IBTK: variants seen among roughly 807,000 people sequenced by gnomAD.
The protein encoded by IBTK is BTK-binding protein.
IBTK carries 83 observed loss-of-function variants against 154.9 expected under a neutral mutation model. The ratio of observed to expected loss-of-function variants is 0.54; its 90% CI spans 0.45 to 0.64. IBTK has a LOEUF of 0.64. IBTK is among the 30% of genes least tolerant of loss of function. The probability of loss-of-function intolerance (pLI) is 0.00; values close to 1 mark genes in which losing one functional copy is unlikely to be tolerated. For missense variants in IBTK, 1,332 were observed against 1,584.6 expected, an observed-to-expected ratio of 0.84 and a Z score of 2.71; for synonymous variants, 515 against 536.1, an observed-to-expected ratio of 0.96 and a Z score of 0.54.
Position 82,240,769 on chromosome 6 carries a change from C to A in IBTK, c.-283G>T. ...ATAAATTATTCCTGGAGTCAAGCAC[C>A]AAGGGGGAGTGAGGAGGGGAACTCC... is the stretch of plus-strand genomic sequence containing the variant. On this transcript the variant is annotated 5_prime_UTR_variant, in exon 2 of 29. Transcript: ENST00000306270. The A allele has an allele frequency of 2.2e-6, 1 of 459,126 alleles. No homozygotes were observed. The allele number at this position is 459,126 out of a possible 1,614,324, so 28.4% of individuals were successfully genotyped here.
intron 12 of IBTK, among the ~76,000 whole-genome samples, chr6:82,213,080 T>G (rs985328820): frequency 4.0e-5 from 6 of 151,818 alleles, no homozygotes; most frequent in African/African-American, 1.5e-4. Flanking sequence ...CAGGCTAGAG[T>G]GTGGTGGCAT....
chr6:82,230,392 A>C (rs950108860), intron 4 of IBTK, among the ~76,000 whole-genome samples: 1 of 152,214 alleles, frequency 6.6e-6, no homozygotes, highest in Admixed American at 6.5e-5. Context: ...GACTTTATCC[A>C]AAGGTGACTT....
In IBTK at chr6:82,197,288, T is replaced by C. The variant is rs571173883; in HGVS notation, c.3026-842A>G. ...TTGTTCTCTTTAAAGTAAATCACCT[T>C]AACAAGCTAAATGTTTCTTTTATTG... On this transcript the variant is annotated intron_variant, in intron 21 of 28. Coordinates refer to ENST00000306270, the MANE Select transcript of IBTK (RefSeq NM_015525.4). Among the ~76,000 whole-genome samples the C allele has an allele frequency of 1.8e-3, 269 of 152,232 alleles. 1 individual carries two copies. Among genetic ancestry groups the C allele is most frequent in the African/African-American group, 6.3e-3 (263 of 41,550 alleles).
At chr6:82,195,475 G>A (rs988557044) in intron 22 of IBTK, among the ~76,000 whole-genome samples, 11 of 151,854 alleles carry the variant, frequency 7.2e-5, no homozygotes, top group Admixed American at 6.6e-5. Flanking sequence ...TTACTCTGCC[G>A]GCTTAGGTGG....
At position 82,214,847 on chromosome 6, in the gene IBTK, A is replaced by C. The variant is rs1769810680; in HGVS notation, c.1602-18T>G. 6.6e-7 allele frequency: 1 copy of C among 1,526,588 alleles called. No homozygotes were observed. The highest frequency in any genetic ancestry group is 8.8e-7 in the Non-Finnish European group (1 of 1,137,434). 94.6% of individuals were successfully genotyped at this position (1,526,588 alleles called of 1,614,324 possible). A position where few individuals can be genotyped will look rare whatever the true frequency, so the allele number is the denominator to read the frequency against. On this transcript the variant is annotated intron_variant, in intron 11 of 28. Coordinates refer to ENST00000306270, the MANE Select transcript of IBTK (RefSeq NM_015525.4). The stretch of plus-strand genomic sequence containing the variant: ...CATAAAGGCTAGAAAGAAGACAAAA[A>C]CAAATTATGCTTCAAAAAATATGAA...
At chr6:82,231,048 A>T (rs1770484819) in intron 4 of IBTK, among the ~76,000 whole-genome samples, 1 of 152,120 alleles carries the variant, frequency 6.6e-6, no homozygotes, top group South Asian at 2.1e-4. Flanking sequence ...TACTATCCAA[A>T]CTGAGAACTG....
chr6:82,246,466 A>C (rs1186672554), intron 1 of IBTK, among the ~76,000 whole-genome samples: 2 of 69,492 alleles, frequency 2.9e-5, no homozygotes, highest in East Asian at 4.0e-4. Flanking sequence ...TTTTTTTGAG[A>C]TGGTGCCACA....
intron 22 of IBTK, among the ~76,000 whole-genome samples, chr6:82,195,946 C>T (rs761640666): frequency 1.3e-5 from 2 of 152,114 alleles, no homozygotes; most frequent in Non-Finnish European, 2.9e-5. Context: ...AAATCATTTG[C>T]CTTGACAATT....
At position 82,218,038 on chromosome 6, in the gene IBTK, T is replaced by C. The variant is rs1350216781; in HGVS notation, c.1348A>G (p.Ile450Val). The C allele has an allele frequency of 1.9e-6, 3 of 1,611,362 alleles. No homozygotes were observed. The highest frequency in any genetic ancestry group is 1.3e-5 in the African/African-American group (1 of 74,936). ...ISDIALNRNE[I>V]LFVTQDGEGF... ...TCTCCATCTTGCGTAACAAATAGAATTTCATTTCTATTTAAAGCAATATCA... is the reference window on the plus strand; with the variant it reads ...TCTCCATCTTGCGTAACAAATAGAACTTCATTTCTATTTAAAGCAATATCA... Residue 450 changes from isoleucine (I) to valine (V), a missense_variant, in exon 10 of 29, where the codon ATT (isoleucine) becomes GTT (valine). By Grantham distance (29) the Ile-to-Val change is conservative (BLOSUM62 3). This residue lies in a region of IBTK where 1,134 missense variants were observed against 1,274.7 expected (regional missense o/e 0.89). Transcript: ENST00000306270.
chr6:82,204,763 T>A, intron 17 of IBTK, 94 bp downstream of exon 17: 1 of 646,438 alleles, frequency 1.5e-6, no homozygotes, highest in South Asian at 4.6e-5. Context: ...AAAAATGGTC[T>A]ATTTTACCAT....
chr6:82,223,750 G>A (rs1770187769), intron 7 of IBTK, 130 bp from the exon 8 acceptor site: 1 of 704,984 alleles, frequency 1.4e-6, no homozygotes, highest in Non-Finnish European at 2.3e-6. Flanking sequence ...CTTGAGCCCT[G>A]GAGCTCGAGA....
At chr6:82,213,961 T>C (rs987155879) in intron 12 of IBTK, among the ~76,000 whole-genome samples, 4 of 151,904 alleles carry the variant, frequency 2.6e-5, no homozygotes, top group African/African-American at 4.8e-5. Flanking sequence ...GTGGGATTTT[T>C]TTTTTTTTCT....
At chr6:82,198,202 C>G (rs1041994019) in intron 21 of IBTK, among the ~76,000 whole-genome samples, 1 of 152,006 alleles carries the variant, frequency 6.6e-6, no homozygotes, top group African/African-American at 2.4e-5. Context: ...TAAAACAAAC[C>G]AAATATCTGC....
intron 26 of IBTK, among the ~76,000 whole-genome samples, chr6:82,177,721 T>C (rs1418535780): frequency 1.3e-5 from 2 of 152,016 alleles, no homozygotes; most frequent in Non-Finnish European, 2.9e-5. Context: ...GCCTAATTTT[T>C]GTATTTTTAG....
intron 9 of IBTK, among the ~76,000 whole-genome samples, chr6:82,220,357 CA>C (rs1414604142): frequency 6.6e-6 from 1 of 152,116 alleles, no homozygotes; most frequent in Non-Finnish European, 1.5e-5. Flanking sequence ...TACAGTTTAA[CA>C]AATCAGTATT....
chr6:82,214,320 G>A lies in IBTK; in HGVS notation c.2111C>T (p.Ser704Phe). 6.2e-7 allele frequency: 1 copy of A among 1,613,948 alleles called. No homozygotes were observed. The highest frequency in any genetic ancestry group is 1.1e-5 in the South Asian group (1 of 91,050). The change falls in exon 12 of 29, where the codon TCT becomes TTT. Residue 704 changes from serine to phenylalanine, a missense_variant. By Grantham distance (155) the Ser-to-Phe change is radical. Transcript: ENST00000306270. ...VSERQKSKPK[S>F]CKKGKNIRED... ...CCTAATATTTTTTCCTTTTTTACAA[G>A]ATTTAGGTTTGCTCTTCTGCCTCTC...
At chr6:82,215,308 T>C (rs576716548) in intron 11 of IBTK, among the ~76,000 whole-genome samples, 1 of 152,328 alleles carries the variant, frequency 6.6e-6, no homozygotes, top group South Asian at 2.1e-4. Flanking sequence ...GATGTTTATC[T>C]TAATCTGATA....
At chr6:82,207,119 C>A (rs1371681093) in intron 16 of IBTK, among the ~76,000 whole-genome samples, 1 of 151,970 alleles carries the variant, frequency 6.6e-6, no homozygotes, top group Non-Finnish European at 1.5e-5. Context: ...ATAAAGCACA[C>A]CCAAATTGGA....
At chr6:82,216,520 T>C (rs1455040574) in intron 10 of IBTK, among the ~76,000 whole-genome samples, 1 of 152,188 alleles carries the variant, frequency 6.6e-6, no homozygotes. Context: ...GCAACCAAAG[T>C]TCCCTTTCTA....
Sources: allele counts gnomAD v4.1 joint callset (sites outside exome capture counted in the v4.1 genomes callset), GRCh38; gene constraint gnomAD v4.1.1; regional missense constraint gnomAD v4.1.1; transcripts MANE v1.5; gene names NCBI Gene and HGNC (gene_info 2026-07-23, HGNC 2026-07-21).